Variants in DDX60L observed in about 807,000 individuals in gnomAD.
DDX60L encodes DExD/H-box 60 like, also known as probable ATP-dependent RNA helicase DDX60-like.
A neutral mutation model predicts 211.6 loss-of-function variants in DDX60L; 191 were observed. The ratio of observed to expected loss-of-function variants is 0.90; its 90% CI spans 0.80 to 1.02. The LOEUF (loss-of-function observed/expected upper bound fraction) is 1.02. DDX60L is among the 50% of genes least tolerant of loss of function. DDX60L has a pLI of 0.00. For missense variants in DDX60L, 2,007 were observed against 1,984.1 expected (o/e 1.01, Z -0.22); for synonymous variants, 706 against 694.1 (o/e 1.02, Z -0.27).
At chr4:168,375,621 G>T in intron 33 of DDX60L, 97 bp from the exon 34 acceptor site, 1 of 1,129,372 alleles carries the variant, frequency 8.9e-7, no homozygotes, top group Non-Finnish European at 1.2e-6. Flanking sequence ...GTAGATTGAT[G>T]CTCATTCATC....
At chr4:168,415,223 A>G (rs937692302) in intron 22 of DDX60L, among the ~76,000 whole-genome samples, 185 bp downstream of exon 22, 1 of 152,068 alleles carries the variant, frequency 6.6e-6, no homozygotes, top group Non-Finnish European at 1.5e-5. Context: ...GCTACTTTAG[A>G]TGCCCACAAA....
intron 10 of DDX60L, among the ~76,000 whole-genome samples, chr4:168,436,631 G>A (rs1012207202): frequency 6.6e-6 from 1 of 152,166 alleles, no homozygotes; most frequent in Non-Finnish European, 1.5e-5. Context: ...ATATAGTGTT[G>A]TTTGTGAATT....
rs938579560 is a variant in DDX60L, at chr4:168,466,588, C to T, written c.265-4548G>A. Among the ~76,000 whole-genome samples, 10 of 152,260 alleles carry T rather than the reference C, an allele frequency of 6.6e-5. No homozygotes were observed. The South Asian group carries it at 1.9e-3, about 28-fold the overall frequency. ...GAGGAATAAAAATCTGTCCTCATTT[C>T]ACCAGATGTGAATTTCAAGTAGAGC... On this transcript the variant is annotated intron_variant, in intron 4 of 37. Transcript: ENST00000682922.
intron 4 of DDX60L, 182 bp downstream of exon 4, chr4:168,471,565 A>G (rs577380333): frequency 2.1e-6 from 1 of 465,270 alleles, no homozygotes. Flanking sequence ...ATTTAATAAA[A>G]TAAAAAATAA....
rs778447386 is a variant in DDX60L, at chr4:168,357,365, G to A, written c.*782C>T. The A allele has an allele frequency of 1.3e-5, 2 of 152,168 alleles. No individual in the cohort carries two copies. The highest frequency in any genetic ancestry group is 2.9e-5 in the Non-Finnish European group (2 of 68,052). The allele number at this position is 152,168 out of a possible 1,614,324, so 9.4% of individuals were successfully genotyped here. A position where few individuals can be genotyped will look rare whatever the true frequency, so the allele number is the denominator to read the frequency against. On this transcript the variant is annotated 3_prime_UTR_variant, in exon 38 of 38. Coordinates refer to ENST00000682922, the MANE Select transcript of DDX60L (RefSeq NM_001012967.3). Reference sequence around the variant, plus strand: ...TTCAACAGAAAACCACAGACTAGATGGCTAAACAACAAACATGTATTTCTC... The same window carrying A: ...TTCAACAGAAAACCACAGACTAGATAGCTAAACAACAAACATGTATTTCTC...
chr4:168,406,557 C>A (rs983198498), intron 23 of DDX60L, 45 bp downstream of exon 23: 22 of 1,401,972 alleles, frequency 1.6e-5, no homozygotes, highest in Non-Finnish European at 2.1e-5. Flanking sequence ...TCTGGAATAG[C>A]ATTAACTAAA....
At chr4:168,373,084 T>C (rs529650931) in intron 35 of DDX60L, among the ~76,000 whole-genome samples, 1 of 152,182 alleles carries the variant, frequency 6.6e-6, no homozygotes, top group Non-Finnish European at 1.5e-5. Context: ...AAACGTTACA[T>C]ATGCAAAAAT....
In DDX60L at chr4:168,472,828, T is replaced by C; in HGVS notation, c.-110-19A>G. 6 of 740,030 alleles carry C rather than the reference T, an allele frequency of 8.1e-6. No individual in the cohort carries two copies. Among genetic ancestry groups the C allele is most frequent in the South Asian group, 1.9e-5 (1 of 51,804 alleles). 45.8% of individuals were successfully genotyped at this position (740,030 alleles called of 1,614,324 possible). A position where few individuals can be genotyped will look rare whatever the true frequency, so the allele number is the denominator to read the frequency against. The stretch of plus-strand genomic sequence containing the variant: ...GGCACCTCTGTAATAAAAGAAAAAA[T>C]AGAACTGCAGTTATTCCTAAAACAA... On this transcript the variant is annotated intron_variant, in intron 1 of 37. Coordinates refer to ENST00000682922, the MANE Select transcript of DDX60L (RefSeq NM_001012967.3).
At chr4:168,429,286 A>G (rs1451190190) in intron 13 of DDX60L, among the ~76,000 whole-genome samples, 1 of 152,092 alleles carries the variant, frequency 6.6e-6, no homozygotes, top group Non-Finnish European at 1.5e-5. Context: ...CTGGGATTAC[A>G]GGCACCCGCC....
intron 4 of DDX60L, among the ~76,000 whole-genome samples, chr4:168,471,032 C>T (rs1277185583): frequency 6.6e-6 from 1 of 152,104 alleles, no homozygotes; most frequent in Admixed American, 6.6e-5. Context: ...AAATACTATG[C>T]ACGTGCCAAA....
At chr4:168,416,076 A>C (rs1255103401) in intron 20 of DDX60L, among the ~76,000 whole-genome samples, 3 of 152,166 alleles carry the variant, frequency 2.0e-5, no homozygotes, top group African/African-American at 7.2e-5. Flanking sequence ...GCCACATAGA[A>C]AGCACTGTGT....
rs185905785 is a variant in DDX60L at position 168,357,038 on chromosome 4, G to A, written c.*1109C>T. The A allele has an allele frequency of 9.3e-4, 141 of 152,168 alleles. No individual in the cohort carries two copies. Among genetic ancestry groups the A allele is most frequent in the African/African-American group, 3.3e-3 (139 of 41,512 alleles). 9.4% of individuals were successfully genotyped at this position (152,168 alleles called of 1,614,324 possible). A position where few individuals can be genotyped will look rare whatever the true frequency, so the allele number is the denominator to read the frequency against. On this transcript the variant is annotated 3_prime_UTR_variant, in exon 38 of 38. Coordinates refer to ENST00000682922, the MANE Select transcript of DDX60L (RefSeq NM_001012967.3). ...CCTTTAAAGGTTTGTTTTTGTTATGGTTGCTGTTTGTTCCCTTATGTTTGT... is the reference window on the plus strand; with the variant it reads ...CCTTTAAAGGTTTGTTTTTGTTATGATTGCTGTTTGTTCCCTTATGTTTGT...
intron 29 of DDX60L, 101 bp from the exon 30 acceptor site, chr4:168,384,913 A>C: frequency 2.4e-6 from 3 of 1,228,732 alleles, no homozygotes; most frequent in Non-Finnish European, 2.3e-6. Context: ...GATTGTGTTA[A>C]ATTGTGTATT....
At chr4:168,457,698 A>G (rs978422353) in intron 6 of DDX60L, among the ~76,000 whole-genome samples, 194 bp downstream of exon 6, 9 of 152,160 alleles carry the variant, frequency 5.9e-5, no homozygotes, top group Non-Finnish European at 2.9e-5. Context: ...GGAAATGAAT[A>G]TAAAATTACA....
intron 22 of DDX60L, 51 bp from the exon 23 acceptor site, chr4:168,406,757 T>C: frequency 7.9e-7 from 1 of 1,272,530 alleles, no homozygotes; most frequent in Non-Finnish European, 1.1e-6. Context: ...TTACAATGTT[T>C]ATATTTCTTT....
intron 8 of DDX60L, among the ~76,000 whole-genome samples, chr4:168,449,652 C>CAAAAAAAAAAAAAAAAAAAAAAAAA: frequency 6.3e-4 from 5 of 7,934 alleles, no homozygotes; most frequent in African/African-American, 1.2e-3. Context: ...AAAAAAAATG[C>CAAAAAAAAAAAAAAAAAAAAAAAAA]AAAAAAAAAA....
chr4:168,366,255 A>G (rs1739972015), intron 36 of DDX60L, among the ~76,000 whole-genome samples: 2 of 152,210 alleles, frequency 1.3e-5, no homozygotes, highest in South Asian at 4.1e-4. Context: ...GACTTAATGA[A>G]AAACTGCTAG....
intron 28 of DDX60L, among the ~76,000 whole-genome samples, 195 bp downstream of exon 28, chr4:168,394,270 T>C (rs1023371533): frequency 3.3e-5 from 5 of 152,094 alleles, no homozygotes; most frequent in African/African-American, 9.7e-5. Flanking sequence ...ATTATAAATA[T>C]TATTTTTCAA....
At chr4:168,449,412 CA>C (rs1195894383) in intron 8 of DDX60L, among the ~76,000 whole-genome samples, 1 of 113,382 alleles carries the variant, frequency 8.8e-6, no homozygotes, top group Non-Finnish European at 1.7e-5. Flanking sequence ...GGGAATTGAA[CA>C]ATGAGATCAC....
Sources: allele counts gnomAD v4.1 joint callset (sites outside exome capture counted in the v4.1 genomes callset), GRCh38; gene constraint gnomAD v4.1.1; transcripts MANE v1.5; gene names NCBI Gene and HGNC (gene_info 2026-07-23, HGNC 2026-07-21).